The following HPSE2 variants were observed in gnomAD, a reference collection of about 807,000 sequenced individuals.
HPSE2 encodes the protein heparanase 2 (inactive).
In HPSE2, 38 loss-of-function variants were observed where a neutral mutation model predicts 60.5. The ratio of observed to expected loss-of-function variants is 0.63; its 90% CI spans 0.48 to 0.82. The LOEUF is 0.82. Among genes scored for constraint, HPSE2 ranks in the 40% least tolerant of loss-of-function variants. The pLI is 0.00. For missense variants in HPSE2, 713 were observed against 740.4 expected, an observed-to-expected ratio of 0.96 and a Z score of 0.43; for synonymous variants, 295 against 293.2, an observed-to-expected ratio of 1.01 and a Z score of -0.06.
intron 3 of HPSE2, among the ~76,000 whole-genome samples, chr10:98,764,243 T>A (rs1950070071): frequency 6.6e-6 from 1 of 152,118 alleles, no homozygotes; most frequent in South Asian, 2.1e-4. Context: ...GTCATTAAAA[T>A]ACTGCAAATG....
intron 3 of HPSE2, among the ~76,000 whole-genome samples, chr10:98,955,866 A>G (rs1955497209): frequency 6.6e-6 from 1 of 152,148 alleles, no homozygotes; most frequent in Non-Finnish European, 1.5e-5. Context: ...ACAGAAAACC[A>G]AACACTGCAT....
intron 11 of HPSE2, among the ~76,000 whole-genome samples, chr10:98,474,317 T>C (rs1266749658): frequency 6.6e-6 from 1 of 152,212 alleles, no homozygotes; most frequent in Non-Finnish European, 1.5e-5. Flanking sequence ...TCAGGTATCA[T>C]TAGTGAGAGA....
At chr10:98,539,016 G>C (rs972182117) in intron 9 of HPSE2, among the ~76,000 whole-genome samples, 1 of 152,144 alleles carries the variant, frequency 6.6e-6, no homozygotes, top group Non-Finnish European at 1.5e-5. Flanking sequence ...TCCTAGCAGC[G>C]CCAAACAGAA....
At chr10:98,761,725 A>G (rs1212341058) in intron 3 of HPSE2, among the ~76,000 whole-genome samples, 2 of 152,182 alleles carry the variant, frequency 1.3e-5, no homozygotes, top group Non-Finnish European at 2.9e-5. Flanking sequence ...TCCGAAAAGT[A>G]AACAGTAGCA....
chr10:98,654,223 T>G (rs1946997819), intron 6 of HPSE2, among the ~76,000 whole-genome samples: 1 of 152,186 alleles, frequency 6.6e-6, no homozygotes, highest in Non-Finnish European at 1.5e-5. Flanking sequence ...GCTTCCTGGA[T>G]CTGTGGTCTT....
intron 9 of HPSE2, among the ~76,000 whole-genome samples, chr10:98,515,561 G>T (rs1381214571): frequency 6.6e-6 from 1 of 152,144 alleles, no homozygotes; most frequent in African/African-American, 2.4e-5. Flanking sequence ...GAATTATCCT[G>T]TTTTAAGGGG....
At chr10:99,097,873 C>G (rs1386814362) in intron 3 of HPSE2, among the ~76,000 whole-genome samples, 3 of 152,006 alleles carry the variant, frequency 2.0e-5, no homozygotes, top group African/African-American at 7.3e-5. Context: ...GGACTGAATC[C>G]CAGATCTTCC....
intron 6 of HPSE2, among the ~76,000 whole-genome samples, chr10:98,676,211 T>C (rs1402642773): frequency 6.6e-6 from 1 of 152,180 alleles, no homozygotes; most frequent in African/African-American, 2.4e-5. Flanking sequence ...TTATTAACTA[T>C]GTGCAAGGTC....
At chr10:99,052,613 G>T (rs1958016154) in intron 3 of HPSE2, among the ~76,000 whole-genome samples, 1 of 151,958 alleles carries the variant, frequency 6.6e-6, no homozygotes, top group Non-Finnish European at 1.5e-5. Flanking sequence ...ACCACACACA[G>T]CACATAGTAA....
At chr10:99,136,684 T>C (rs1845669859) in intron 3 of HPSE2, among the ~76,000 whole-genome samples, 1 of 152,086 alleles carries the variant, frequency 6.6e-6, no homozygotes, top group Admixed American at 6.6e-5. Flanking sequence ...TTGACAAAAT[T>C]CAACACCCCT....
intron 2 of HPSE2, among the ~76,000 whole-genome samples, chr10:99,215,631 A>G (rs1229615526): frequency 6.6e-6 from 1 of 152,214 alleles, no homozygotes; most frequent in Non-Finnish European, 1.5e-5. Context: ...GTAAAATAAA[A>G]TTTTAAAAAG....
intron 2 of HPSE2, among the ~76,000 whole-genome samples, chr10:99,198,742 CTGT>C (rs972111185): frequency 1.3e-5 from 2 of 152,106 alleles, no homozygotes; most frequent in African/African-American, 4.8e-5. Context: ...TTACAAATAA[CTGT>C]TGTTAACTAA....
chr10:98,970,700 C>T (rs1456513451), intron 3 of HPSE2, among the ~76,000 whole-genome samples: 5 of 152,154 alleles, frequency 3.3e-5, no homozygotes, highest in African/African-American at 1.2e-4. Flanking sequence ...TATCAAGTAT[C>T]TGAAACCACC....
intron 3 of HPSE2, among the ~76,000 whole-genome samples, chr10:98,949,961 T>C (rs1391339184): frequency 6.6e-6 from 1 of 152,148 alleles, no homozygotes; most frequent in Non-Finnish European, 1.5e-5. Context: ...ACTTTAAAAA[T>C]ATCAAGTTTT....
chr10:99,251,700 T>C, the HPSE2 span, among the ~76,000 whole-genome samples: 3,074 of 151,672 alleles, frequency 0.02, 112 homozygotes, highest in East Asian at 0.16. Context: ...CATAAGCAAA[T>C]CAATATATGT....
At chr10:98,560,718 G>T (rs987060720) in intron 9 of HPSE2, among the ~76,000 whole-genome samples, 2 of 152,186 alleles carry the variant, frequency 1.3e-5, no homozygotes, top group African/African-American at 4.8e-5. Context: ...GTCAATGATA[G>T]ACTACATATA....
intron 4 of HPSE2, among the ~76,000 whole-genome samples, chr10:98,740,776 T>C (rs564232685): frequency 6.6e-6 from 1 of 152,276 alleles, no homozygotes; most frequent in East Asian, 1.9e-4. Flanking sequence ...CTTTCCTGAA[T>C]GTGAATATAA....
intron 5 of HPSE2, among the ~76,000 whole-genome samples, chr10:98,697,138 G>A (rs1948245990): frequency 6.6e-6 from 1 of 152,162 alleles, no homozygotes; most frequent in South Asian, 2.1e-4. Context: ...GCACAGAACT[G>A]GACAGAGGAT....
At chr10:98,972,072 C>T (rs957556326) in intron 3 of HPSE2, among the ~76,000 whole-genome samples, 12 of 152,022 alleles carry the variant, frequency 7.9e-5, no homozygotes, top group African/African-American at 2.9e-4. Context: ...ATGGCATTAT[C>T]AAACTTTTTA....
Sources: gnomAD v4.1 joint callset for allele counts (sites outside exome capture counted in the v4.1 genomes callset) on GRCh38, gnomAD v4.1.1 for gene constraint, MANE v1.5 for transcripts, NCBI Gene and HGNC (gene_info 2026-07-23, HGNC 2026-07-21) for gene names.